The following SPTBN5 variants were observed in gnomAD, a reference collection of about 807,000 sequenced individuals.
SPTBN5 encodes the protein spectrin beta chain, non-erythrocytic 5.
In SPTBN5, 513 loss-of-function variants were observed where a neutral mutation model predicts 477.6. The ratio of observed to expected loss-of-function variants is 1.07; its 90% confidence interval spans 1.00 to 1.16. The LOEUF (loss-of-function observed/expected upper bound fraction) is 1.16. SPTBN5 is among the 50% of genes most tolerant of loss of function. The pLI is 0.00. For synonymous variants in SPTBN5, 2,169 were observed against 2,011.7 expected (o/e 1.08, Z -2.09); for missense variants, 5,062 against 4,731.8 (o/e 1.07, Z -2.05).
chr15:41,891,544 C>A (rs543651396), intron 3 of SPTBN5, among the ~76,000 whole-genome samples: 1 of 52,426 alleles, frequency 1.9e-5, no homozygotes, highest in Non-Finnish European at 3.5e-5. Flanking sequence ...TTAAACTCAC[C>A]GTGATGGGGG....
intron 66 of SPTBN5, chr15:41,850,210 G>A: frequency 2.0e-6 from 1 of 502,292 alleles, no homozygotes; most frequent in Non-Finnish European, 3.6e-6. Context: ...TAGGAGGTGG[G>A]AAATTCTGGA....
At chr15:41,865,999 TCCC>T in intron 38 of SPTBN5, 36 bp downstream of exon 38, 1 of 1,547,078 alleles carries the variant, frequency 6.5e-7, no homozygotes, top group Non-Finnish European at 8.7e-7. Context: ...GGAGGGCTCC[TCCC>T]CCCATCTCTC....
intron 9 of SPTBN5, 106 bp downstream of exon 9, chr15:41,882,890 A>C (rs2067020642): frequency 7.4e-7 from 1 of 1,355,422 alleles, no homozygotes; most frequent in Non-Finnish European, 1.0e-6. Context: ...AGTGAGGGTC[A>C]GTGTGGAGAA....
At chr15:41,889,513 G>A (rs893561130) in intron 4 of SPTBN5, among the ~76,000 whole-genome samples, 2 of 151,926 alleles carry the variant, frequency 1.3e-5, no homozygotes, top group African/African-American at 4.8e-5. Context: ...AGCATCCTGG[G>A]CTCAGGTTAG....
rs1397678758 is a variant in SPTBN5, at chr15:41,851,199, CCT to C, written c.10744-51_10744-50del. On this transcript the variant is annotated intron_variant, in intron 64 of 67. Transcript: ENST00000320955. ...GTCACTGCGGCCATCTCAGCTTTTC[CCT>C]GTGGGGTCCCTCTGTCCTGGGGCCC... 4.4e-6 allele frequency: 7 copies of C among 1,588,014 alleles called. No homozygotes were observed. In the Admixed American group the frequency reaches 1.3e-4, roughly 28 times the overall value.
At chr15:41,862,102 GA>G in intron 44 of SPTBN5, 27 bp downstream of exon 44, 1 of 1,525,922 alleles carries the variant, frequency 6.6e-7, no homozygotes. Context: ...GAGAGCCTGG[GA>G]AAGGCTTGGG....
rs569683985 is a variant in SPTBN5 at position 41,868,518 on chromosome 15, C to T, written c.5937G>A (p.Pro1979=). 54 of 1,609,580 alleles carry T rather than the reference C, an allele frequency of 3.4e-5. No individual in the cohort carries two copies. The highest frequency in any genetic ancestry group is 1.6e-4 in the African/African-American group (12 of 75,054). The part of the protein sequence containing the change: ...EESSQEPSSG[P]LKLSAHQWLR... ...GCCACTGGTGGGCACTGAGCTTCAG[C>T]GGGCCACTGCTAGGCTCTTGCGAAC... Residue 1979 remains proline (P), a synonymous_variant, in exon 33 of 68, where the codon CCG becomes CCA. Coordinates refer to ENST00000320955, the MANE Select transcript of SPTBN5 (RefSeq NM_016642.4).
At chr15:41,866,310 G>A in intron 37 of SPTBN5, 34 bp downstream of exon 37, 3 of 1,572,410 alleles carry the variant, frequency 1.9e-6, no homozygotes, top group Non-Finnish European at 2.6e-6. Flanking sequence ...GCCACACTTT[G>A]GGGCAGGCAT....
At chr15:41,868,267 G>A in intron 33 of SPTBN5, 49 bp from the exon 34 acceptor site, 8 of 1,571,656 alleles carry the variant, frequency 5.1e-6, no homozygotes, top group Non-Finnish European at 6.0e-6. Flanking sequence ...TGGTGTGGGT[G>A]AGGTGAGGAC....
chr15:41,861,387 C>T lies in SPTBN5; in HGVS notation c.7815+32G>A, dbSNP rs377491934. 3 of 1,582,122 alleles carry T rather than the reference C, an allele frequency of 1.9e-6. No homozygotes were observed. In the African/African-American group the frequency reaches 4.0e-5, roughly 21 times the overall value. ...ACCCCTAATGCTGCTCTGGTAATTC[C>T]CCCCTCCTGCCCATTCCTGCTGGGC... On this transcript the variant is annotated intron_variant, in intron 46 of 67. Transcript: ENST00000320955.
intron 28 of SPTBN5, 127 bp downstream of exon 28, chr15:41,871,655 G>A: frequency 2.8e-6 from 4 of 1,414,820 alleles, no homozygotes; most frequent in Non-Finnish European, 3.7e-6. Context: ...CTCCACTGAG[G>A]AGGCCCCACC....
Position 41,882,278 on chromosome 15 carries a change from C to T in SPTBN5, c.2238G>A (p.Leu746=). The T allele has an allele frequency of 2.7e-6, 4 of 1,503,072 alleles. No homozygotes were observed. The highest frequency in any genetic ancestry group is 3.5e-6 in the Non-Finnish European group (4 of 1,127,702). The allele number at this position is 1,503,072 out of a possible 1,614,324, so 93.1% of individuals were successfully genotyped here. ...CACCCCTCCCCACTACCTGCAGGAC[C>T]AGCAGGGCTGTCTGCAGCCGTGCGC... ...GRGARLQTAL[L]VLQYFADAAE... The change falls in exon 11 of 68, where the codon CTG becomes CTA. Residue 746 remains leucine, a synonymous_variant. Coordinates refer to ENST00000320955, the MANE Select transcript of SPTBN5 (RefSeq NM_016642.4).
In SPTBN5 at chr15:41,877,749, A is replaced by C. The variant is rs547865505; in HGVS notation, c.3471-393T>G. On this transcript the variant is annotated intron_variant, in intron 17 of 67. Coordinates refer to ENST00000320955, the MANE Select transcript of SPTBN5 (RefSeq NM_016642.4). The stretch of plus-strand genomic sequence containing the variant: ...CTTGTGTGAATTAGAGCAAGGCTCC[A>C]CTTCCTCTGAGCCGCTGCAGAACCA... Among the ~76,000 whole-genome samples the C allele has an allele frequency of 2.6e-5, 4 of 152,360 alleles. No homozygotes were observed. The South Asian group carries it at 8.3e-4, about 32-fold the overall frequency.
At chr15:41,849,809 G>A (rs1018357531) in intron 67 of SPTBN5, 60 bp downstream of exon 67, 27 of 1,322,552 alleles carry the variant, frequency 2.0e-5, no homozygotes, top group East Asian at 1.5e-4. Context: ...AGAGGACAGC[G>A]CCTGCCAGCC....
intron 16 of SPTBN5, 73 bp from the exon 17 acceptor site, chr15:41,878,702 C>A: frequency 6.8e-7 from 1 of 1,477,898 alleles, no homozygotes; most frequent in Non-Finnish European, 9.1e-7. Context: ...GTCCTCTCTC[C>A]AAACCTGCAT....
At chr15:41,857,214 A>G (rs1229042380) in intron 51 of SPTBN5, 24 bp downstream of exon 51, 14 of 1,571,320 alleles carry the variant, frequency 8.9e-6, no homozygotes, top group East Asian at 2.3e-5. Context: ...AGGGAAGAGA[A>G]GCTGAGGGCA....
chr15:41,862,695 G>A, intron 42 of SPTBN5, 35 bp from the exon 43 acceptor site: 1 of 1,540,226 alleles, frequency 6.5e-7, no homozygotes, highest in African/African-American at 1.4e-5. Flanking sequence ...GCTGGGGCAG[G>A]GGAGCTCTGG....
In SPTBN5 at chr15:41,882,789, G is replaced by A. The variant is rs2067016601; in HGVS notation, c.1893-51C>T. On this transcript the variant is annotated intron_variant, in intron 9 of 67. Coordinates refer to ENST00000320955, the MANE Select transcript of SPTBN5 (RefSeq NM_016642.4). ...GGACATGGGGAGTCGTGAGGCATGGGCAGTGGGTTCCCCTCCGGGTTTAGA... is the reference window on the plus strand; with the variant it reads ...GGACATGGGGAGTCGTGAGGCATGGACAGTGGGTTCCCCTCCGGGTTTAGA... 1.7e-5 allele frequency: 27 copies of A among 1,576,550 alleles called. No individual in the cohort carries two copies. In the South Asian group the frequency reaches 2.5e-4, roughly 15 times the overall value.
Position 41,848,553 on chromosome 15 carries a change from T to C in SPTBN5, c.*63A>G. 6.2e-7 allele frequency: 1 copy of C among 1,605,212 alleles called. No individual in the cohort carries two copies. The highest frequency in any genetic ancestry group is 8.5e-7 in the Non-Finnish European group (1 of 1,172,016). On this transcript the variant is annotated 3_prime_UTR_variant, in exon 68 of 68. Transcript: ENST00000320955. ...CCTTTTGCCTGTAGCTGAGTCTTAT[T>C]CTGGTCCCTTAGATGTGTCCTCGCT...
Sources: allele counts gnomAD v4.1 joint callset (sites outside exome capture counted in the v4.1 genomes callset), GRCh38; gene constraint gnomAD v4.1.1; transcripts MANE v1.5; gene names NCBI Gene and HGNC (gene_info 2026-07-23, HGNC 2026-07-21).